Variants in XXYLT1 observed in about 807,000 individuals in gnomAD.
The protein encoded by XXYLT1 is UDP-xylose:alpha-xyloside alpha-1,3-xylosyltransferase.
XXYLT1 carries 20 observed loss-of-function variants against 28.9 expected under a neutral mutation model. The ratio of observed to expected loss-of-function variants is 0.69; its 90% CI spans 0.49 to 1.00. The LOEUF (loss-of-function observed/expected upper bound fraction) is 1.00, where lower values mean the gene tolerates loss of function less well. XXYLT1 is among the 50% of genes least tolerant of loss of function. The pLI is 0.00. For missense variants in XXYLT1, 542 were observed against 560.1 expected (o/e 0.97, Z 0.33); for synonymous variants, 257 against 253.8 (o/e 1.01, Z -0.12).
At chr3:195,131,744 C>T (rs77818844) in intron 3 of XXYLT1, among the ~76,000 whole-genome samples, 5,204 of 152,302 alleles carry the variant, frequency 0.034, 167 homozygotes, top group East Asian at 0.15. Context: ...TTACCAGTGA[C>T]CCCACCATAT....
chr3:195,133,640 T>C lies in XXYLT1; in HGVS notation c.785+22809A>G, dbSNP rs1459875790. 1.3e-5 allele frequency among the ~76,000 whole-genome samples: 2 copies of C among 152,164 alleles called. No individual in the cohort carries two copies. Among genetic ancestry groups the C allele is most frequent in the African/African-American group, 4.8e-5 (2 of 41,428 alleles). ...AGCTGCTGTGCCAAACGCTCCCAGA[T>C]GCACACTCTCGGCAACTTGTTGCCA... On this transcript the variant is annotated intron_variant, in intron 3 of 3. Coordinates refer to ENST00000310380, the MANE Select transcript of XXYLT1 (RefSeq NM_152531.5). The surrounding 1 kb of genome is among the most constrained non-coding windows in gnomAD (Gnocchi z 4.4).
chr3:195,143,824 A>ATTTTTTTT (rs1560117028), intron 3 of XXYLT1, among the ~76,000 whole-genome samples: 1 of 89,966 alleles, frequency 1.1e-5, no homozygotes, highest in Non-Finnish European at 2.3e-5. Context: ...AGATATAGAT[A>ATTTTTTTT]TATATAGATA....
In XXYLT1 at chr3:195,078,658, C is replaced by T. The variant is rs1715257836; in HGVS notation, c.786-8547G>A. On this transcript the variant is annotated intron_variant, in intron 3 of 3. Transcript: ENST00000310380. This position sits in a 1 kb window ranked among gnomAD's most constrained non-coding sequence, Gnocchi z 5.0. ...ACACTTGGATCTGGACAGAATGACA[C>T]CCAGACAGTACCTCAGTACCCCTCC... Among the ~76,000 whole-genome samples the T allele has an allele frequency of 6.6e-6, 1 of 152,118 alleles. No individual in the cohort carries two copies. Among genetic ancestry groups the T allele is most frequent in the Non-Finnish European group, 1.5e-5 (1 of 68,020 alleles).
Position 195,257,747 on chromosome 3 carries a change from C to T in XXYLT1, c.504+12808G>A, listed in dbSNP as rs978351186. Among the ~76,000 whole-genome samples the T allele has an allele frequency of 6.6e-6, 1 of 152,158 alleles. No individual in the cohort carries two copies. Among genetic ancestry groups the T allele is most frequent in the Non-Finnish European group, 1.5e-5 (1 of 68,022 alleles). ...CAGGCCGCCCTACCCCAGCTGCCCC[C>T]CTCTGCCCCATCTTCTGGTCATGAC... On this transcript the variant is annotated intron_variant, in intron 1 of 3. Transcript: ENST00000310380. The surrounding 1 kb of genome is among the most constrained non-coding windows in gnomAD (Gnocchi z 4.3).
At chr3:195,074,524 G>A (rs1392525547) in intron 3 of XXYLT1, among the ~76,000 whole-genome samples, 1 of 152,214 alleles carries the variant, frequency 6.6e-6, no homozygotes, top group Non-Finnish European at 1.5e-5. Context: ...TCCAAGATGA[G>A]AGTCCAGGAG....
chr3:195,189,861 C>T (rs1722346194), intron 2 of XXYLT1, among the ~76,000 whole-genome samples: 1 of 152,098 alleles, frequency 6.6e-6, no homozygotes, highest in Non-Finnish European at 1.5e-5. Context: ...ACTCAACAGA[C>T]CCCAAGTAGG....
At chr3:195,138,934 A>G (rs1020070216) in intron 3 of XXYLT1, among the ~76,000 whole-genome samples, 1 of 151,660 alleles carries the variant, frequency 6.6e-6, no homozygotes, top group African/African-American at 2.4e-5. Context: ...TCAGAGAGAG[A>G]GCATCCTAGA....
At chr3:195,097,730 C>T (rs1003671822) in intron 3 of XXYLT1, among the ~76,000 whole-genome samples, 3 of 152,290 alleles carry the variant, frequency 2.0e-5, no homozygotes, top group Middle Eastern at 3.4e-3. Context: ...AAAACCCAGC[C>T]CTGAGCACCT....
chr3:195,230,772 G>A (rs1222490199), intron 1 of XXYLT1, among the ~76,000 whole-genome samples: 1 of 152,072 alleles, frequency 6.6e-6, no homozygotes, highest in African/African-American at 2.4e-5. Context: ...ATGCTGTTTT[G>A]GTTACTATAA....
chr3:195,159,720 A>G (rs112950914), intron 2 of XXYLT1, among the ~76,000 whole-genome samples: 134 of 152,064 alleles, frequency 8.8e-4, no homozygotes, highest in African/African-American at 3.1e-3. Flanking sequence ...GGCTGAGAAC[A>G]CCTATGTCTT....
At chr3:195,242,850 C>T (rs1012954666) in intron 1 of XXYLT1, among the ~76,000 whole-genome samples, 2 of 152,194 alleles carry the variant, frequency 1.3e-5, no homozygotes, top group East Asian at 1.9e-4. Flanking sequence ...GGGTGGGAAT[C>T]GCCATGTTGA....
chr3:195,207,772 C>T (rs1041215511), intron 2 of XXYLT1, among the ~76,000 whole-genome samples: 3 of 152,206 alleles, frequency 2.0e-5, no homozygotes, highest in African/African-American at 2.4e-5. Context: ...CTCTGGCCCA[C>T]GGGCTGCAAT....
At chr3:195,132,856 A>G (rs1718972500) in intron 3 of XXYLT1, among the ~76,000 whole-genome samples, 1 of 152,222 alleles carries the variant, frequency 6.6e-6, no homozygotes, top group Non-Finnish European at 1.5e-5. Context: ...GAGATGCACA[A>G]TATGATTCTC....
chr3:195,111,263 C>G lies in XXYLT1; in HGVS notation c.786-41152G>C, dbSNP rs533414318. 2.0e-5 allele frequency among the ~76,000 whole-genome samples: 3 copies of G among 152,208 alleles called. No homozygotes were observed. In the East Asian group the frequency reaches 5.8e-4, roughly 29 times the overall value. On this transcript the variant is annotated intron_variant, in intron 3 of 3. Coordinates refer to ENST00000310380, the MANE Select transcript of XXYLT1 (RefSeq NM_152531.5). ...CAAATTCCTCTTTTTATAAGAACAC[C>G]AGTCATACTGGATTAGGCTCGACCA... is the stretch of plus-strand genomic sequence containing the variant.
At chr3:195,219,767 G>A (rs1560159048) in intron 2 of XXYLT1, among the ~76,000 whole-genome samples, 1 of 152,206 alleles carries the variant, frequency 6.6e-6, no homozygotes, top group Admixed American at 6.5e-5. Flanking sequence ...AGGCCCCCAT[G>A]ACAGACACTG....
chr3:195,180,459 T>C lies in XXYLT1; in HGVS notation c.653-23878A>G. 2 of 985,586 alleles carry C rather than the reference T, an allele frequency of 2.0e-6. No individual in the cohort carries two copies. The highest frequency in any genetic ancestry group is 2.4e-6 in the Non-Finnish European group (2 of 830,054). 61.1% of individuals were successfully genotyped at this position (985,586 alleles called of 1,614,324 possible). On this transcript the variant is annotated intron_variant, in intron 2 of 3. Coordinates refer to ENST00000310380, the MANE Select transcript of XXYLT1 (RefSeq NM_152531.5). The surrounding 1 kb of genome is among the most constrained non-coding windows in gnomAD (Gnocchi z 5.8). ...TGCTTTTCTCATTTCATGAACTTCT[T>C]TTGAACAATTTCCTGTTCCTTTTTC...
chr3:195,071,191 T>A (rs921033807), intron 3 of XXYLT1, among the ~76,000 whole-genome samples: 1 of 152,160 alleles, frequency 6.6e-6, no homozygotes, highest in African/African-American at 2.4e-5. Flanking sequence ...GGAGGCCCAC[T>A]GTGGCAGGGA....
At chr3:195,253,416 A>G (rs1362233321) in intron 1 of XXYLT1, among the ~76,000 whole-genome samples, 1 of 151,200 alleles carries the variant, frequency 6.6e-6, no homozygotes, top group Admixed American at 6.6e-5. Context: ...ACACGTTTTC[A>G]TTTTGCATTT....
intron 1 of XXYLT1, among the ~76,000 whole-genome samples, chr3:195,253,049 T>C (rs1725335348): frequency 1.3e-5 from 2 of 152,160 alleles, no homozygotes; most frequent in Admixed American, 6.5e-5. Context: ...ATTTACAGCT[T>C]TCCACTACCT....
Sources: allele counts gnomAD v4.1 joint callset (sites outside exome capture counted in the v4.1 genomes callset), GRCh38; gene constraint gnomAD v4.1.1; non-coding constraint Gnocchi (gnomAD v3.1); transcripts MANE v1.5; gene names NCBI Gene and HGNC (gene_info 2026-07-23, HGNC 2026-07-21).